Variants in AK3 observed in about 807,000 individuals in gnomAD.
The protein encoded by AK3 is GTP:AMP phosphotransferase AK3, mitochondrial.
Under a neutral mutation model 23.7 loss-of-function variants are expected in AK3, and 27 were observed. That is an observed-to-expected ratio of 1.14 (90% CI 0.84 to 1.57). The LOEUF (loss-of-function observed/expected upper bound fraction) is 1.57, where lower values mean the gene tolerates loss of function less well. AK3 is among the 40% of genes most tolerant of loss of function. The pLI is 0.00. For missense variants in AK3, 406 were observed against 285.6 expected (o/e 1.42, Z -3.04); for synonymous variants, 159 against 116.0 (o/e 1.37, Z -2.38).
chr9:4,730,231 T>C (rs1260560429), intron 1 of AK3, among the ~76,000 whole-genome samples: 2 of 152,300 alleles, frequency 1.3e-5, no homozygotes, highest in South Asian at 2.1e-4. Context: ...TTTGGAGTGA[T>C]AAAAATGTTC....
At chr9:4,731,166 C>T (rs1177629301) in intron 1 of AK3, among the ~76,000 whole-genome samples, 2 of 152,136 alleles carry the variant, frequency 1.3e-5, no homozygotes, top group African/African-American at 2.4e-5. Context: ...AGGTTTGTTA[C>T]ATGGGTGAAC....
At chr9:4,740,631 C>T (rs939287823) in intron 1 of AK3, among the ~76,000 whole-genome samples, 14 of 152,224 alleles carry the variant, frequency 9.2e-5, no homozygotes, top group Non-Finnish European at 1.6e-4. Flanking sequence ...CCAAGAGTGG[C>T]TGCCACTGGG....
chr9:4,737,879 T>G (rs393421), intron 1 of AK3, among the ~76,000 whole-genome samples: 100,713 of 151,946 alleles, frequency 0.66, 33,834 homozygotes, highest in East Asian at 0.8. Flanking sequence ...ATATCTCCTG[T>G]GATGATTTTA....
chr9:4,725,019 C>CTTTTTTTTTTTT (rs1491310710), intron 1 of AK3, among the ~76,000 whole-genome samples: 1 of 53,302 alleles, frequency 1.9e-5, no homozygotes, highest in Non-Finnish European at 5.7e-5. Flanking sequence ...AGCTACTAAA[C>CTTTTTTTTTTTT]TCTTTTTTTT....
chr9:4,739,395 A>G (rs758703664), intron 1 of AK3, among the ~76,000 whole-genome samples: 33 of 151,338 alleles, frequency 2.2e-4, no homozygotes, highest in South Asian at 6.3e-4. Context: ...AGTTTCACCA[A>G]GTAGCCCAGG....
chr9:4,737,262 A>G (rs1296510263), intron 1 of AK3, among the ~76,000 whole-genome samples: 3 of 149,760 alleles, frequency 2.0e-5, no homozygotes, highest in Admixed American at 6.7e-5. Flanking sequence ...AAATAAATAA[A>G]AAGTTTTTGT....
rs1166408205 is a variant in AK3, at chr9:4,719,302, GA to G, written c.276del (p.Pro93GlnfsTer10). On this transcript the variant is annotated frameshift_variant, in exon 3 of 5. Transcript: ENST00000381809. LOFTEE classifies it high-confidence loss of function. ...LTQYSWLLDG[F>X]PRTLPQAEAL... ...GCTTCTGCCTGTGGAAGTGTCCTTGGAAAACCTTTATAAAGTAAAAAAGAAA... is the reference window on the plus strand; with the variant it reads ...GCTTCTGCCTGTGGAAGTGTCCTTGGAAACCTTTATAAAGTAAAAAAGAAA... 2 of 1,273,150 alleles carry G rather than the reference GA, an allele frequency of 1.6e-6. No homozygotes were observed. Among genetic ancestry groups the G allele is most frequent in the Admixed American group, 5.0e-5 (2 of 40,384 alleles). The allele number at this position is 1,273,150 out of a possible 1,614,324, so 78.9% of individuals were successfully genotyped here.
At chr9:4,741,632 GC>G (rs1842438171), upstream of AK3, 1 of 152,804 alleles carries the variant, frequency 6.5e-6, no homozygotes, top group Admixed American at 6.6e-5. Context: ...GCCCCTCGGA[GC>G]CGCTTGGTTT....
intron 1 of AK3, among the ~76,000 whole-genome samples, chr9:4,740,512 G>T (rs1842403155): frequency 6.6e-6 from 1 of 152,114 alleles, no homozygotes; most frequent in Admixed American, 6.6e-5. Context: ...AAAGAGAAAA[G>T]AAAGAAACAA....
chr9:4,717,912 G>A (rs1225455939), intron 4 of AK3, among the ~76,000 whole-genome samples: 6 of 152,114 alleles, frequency 3.9e-5, no homozygotes, highest in Non-Finnish European at 1.5e-5. Flanking sequence ...TGAGACTGTC[G>A]CACTGCCAAC....
chr9:4,724,495 T>C (rs1451816004), intron 1 of AK3, among the ~76,000 whole-genome samples: 2 of 152,204 alleles, frequency 1.3e-5, no homozygotes, highest in Non-Finnish European at 2.9e-5. Flanking sequence ...TTAGAGATTC[T>C]AGCCAAGGCA....
chr9:4,735,811 A>G (rs1842278210), intron 1 of AK3, among the ~76,000 whole-genome samples: 1 of 151,602 alleles, frequency 6.6e-6, no homozygotes, highest in Admixed American at 6.6e-5. Context: ...AAGAAAAAAT[A>G]TATTAATTTA....
chr9:4,730,773 C>T (rs909928307), intron 1 of AK3, among the ~76,000 whole-genome samples: 2 of 152,154 alleles, frequency 1.3e-5, no homozygotes, highest in African/African-American at 2.4e-5. Context: ...ATATCTTAAA[C>T]ATTCTAAATA....
At chr9:4,731,049 G>A (rs1333833567) in intron 1 of AK3, among the ~76,000 whole-genome samples, 1 of 152,152 alleles carries the variant, frequency 6.6e-6, no homozygotes, top group African/African-American at 2.4e-5. Context: ...GTTGATGTTG[G>A]TTTTACCTAC....
intron 1 of AK3, among the ~76,000 whole-genome samples, chr9:4,740,186 T>C (rs1368810862): frequency 2.6e-5 from 4 of 152,196 alleles, no homozygotes; most frequent in African/African-American, 9.6e-5. Flanking sequence ...TCAACATTTT[T>C]TGAGAAAAAA....
chr9:4,715,365 G>A (rs577217557), intron 4 of AK3, among the ~76,000 whole-genome samples: 8 of 150,072 alleles, frequency 5.3e-5, no homozygotes, highest in South Asian at 2.1e-4. Flanking sequence ...CTTCATCTTC[G>A]CAGCTTTCCT....
At position 4,712,987 on chromosome 9, in the gene AK3, C is replaced by A; in HGVS notation, c.673G>T (p.Val225Phe). 6.2e-7 allele frequency: 1 copy of A among 1,613,308 alleles called. No homozygotes were observed. Among genetic ancestry groups the A allele is most frequent in the Non-Finnish European group, 8.5e-7 (1 of 1,179,576 alleles). ...ACACACATTTCTCCTCATGGAGTAA[C>A]TGAAGCTTTCTGGCTTCTTTGTGGA... Reference protein sequence around the residue: ...KVPQRSQKASVTP With the variant: ...KVPQRSQKASFTP The change falls in exon 5 of 5, where the codon GTT becomes TTT. Residue 225 changes from valine to phenylalanine, a missense_variant. Coordinates refer to ENST00000381809, the MANE Select transcript of AK3 (RefSeq NM_016282.4).
intron 4 of AK3, among the ~76,000 whole-genome samples, chr9:4,715,970 C>G (rs1332095933): frequency 6.6e-6 from 1 of 152,090 alleles, no homozygotes; most frequent in Non-Finnish European, 1.5e-5. Flanking sequence ...GCAAAAGAGG[C>G]TCTTTGCTGC....
At chr9:4,713,122 AAC>A (rs1841607945) in intron 4 of AK3, 26 bp from the exon 5 acceptor site, 1 of 1,612,076 alleles carries the variant, frequency 6.2e-7, no homozygotes, top group Non-Finnish European at 8.5e-7. Flanking sequence ...AAACAAAACA[AAC>A]ACACACAGGT....
Sources: allele counts gnomAD v4.1 joint callset (sites outside exome capture counted in the v4.1 genomes callset), GRCh38; gene constraint gnomAD v4.1.1; transcripts MANE v1.5; gene names NCBI Gene and HGNC (gene_info 2026-07-23, HGNC 2026-07-21).